The following DENND5B variants were observed in gnomAD, a reference collection of about 807,000 sequenced individuals.
DENND5B encodes DENN domain containing 5B.
In DENND5B, 34 loss-of-function variants were observed where a neutral mutation model predicts 140.6. The observed-to-expected ratio is 0.24, with a 90% CI of 0.18 to 0.32. The LOEUF (loss-of-function observed/expected upper bound fraction) is 0.32. Among genes scored for constraint, DENND5B ranks in the 10% least tolerant of loss-of-function variants. DENND5B has a pLI of 1.00. For synonymous variants in DENND5B, 551 were observed against 562.1 expected, an observed-to-expected ratio of 0.98 and a Z score of 0.28; for missense variants, 1,142 against 1,560.2, an observed-to-expected ratio of 0.73 and a Z score of 4.52.
At chr12:31,424,425 C>T in intron 10 of DENND5B, 110 bp downstream of exon 10, 9 of 1,338,032 alleles carry the variant, frequency 6.7e-6, no homozygotes, top group Middle Eastern at 3.8e-4. Flanking sequence ...TTTCTAGTCC[C>T]CTTGTGACAA....
At position 31,590,900 on chromosome 12, in the gene DENND5B, C is replaced by CA. The variant is rs1443974419; in HGVS notation, c.-69dup. On this transcript the variant is annotated 5_prime_UTR_variant, in exon 1 of 21. Coordinates refer to ENST00000389082, the MANE Select transcript of DENND5B (RefSeq NM_144973.4). ...GAAGGCTTTCTGCGGAGGCTGCCAC[C>CA]ACCGCTCCGGCTGTGGTCTGTGCGC... 2 of 1,168,176 alleles carry CA rather than the reference C, an allele frequency of 1.7e-6. No homozygotes were observed. The allele number at this position is 1,168,176 out of a possible 1,614,324, so 72.4% of individuals were successfully genotyped here. A position where few individuals can be genotyped will look rare whatever the true frequency, so the allele number is the denominator to read the frequency against.
At chr12:31,468,385 A>G (rs1198834089) in intron 3 of DENND5B, among the ~76,000 whole-genome samples, 1 of 152,166 alleles carries the variant, frequency 6.6e-6, no homozygotes, top group African/African-American at 2.4e-5. Context: ...GGTGGGGAGA[A>G]AGAAAGGTTT....
intron 19 of DENND5B, 122 bp from the exon 20 acceptor site, chr12:31,389,620 A>T (rs1941022208): frequency 1.1e-6 from 1 of 874,402 alleles, no homozygotes. Flanking sequence ...TCCTGAAGCC[A>T]ATATCATTAC....
At chr12:31,574,297 T>TAATAATAATAATAA (rs1592078386) in intron 1 of DENND5B, among the ~76,000 whole-genome samples, 3 of 147,480 alleles carry the variant, frequency 2.0e-5, no homozygotes, top group Admixed American at 6.8e-5. Flanking sequence ...ATAATAATAA[T>TAATAATAATAATAA]TTAAAAGGGA....
At chr12:31,436,265 A>C (rs1221152002) in intron 7 of DENND5B, among the ~76,000 whole-genome samples, 1 of 151,354 alleles carries the variant, frequency 6.6e-6, no homozygotes, top group Non-Finnish European at 1.5e-5. Context: ...AAACCCAGCT[A>C]ATTTTAGTAT....
chr12:31,546,894 C>T (rs1028310261), intron 1 of DENND5B, among the ~76,000 whole-genome samples: 8 of 152,066 alleles, frequency 5.3e-5, no homozygotes, highest in Non-Finnish European at 1.2e-4. Context: ...GTTTACAGTC[C>T]GCAACATGAA....
Position 31,442,828 on chromosome 12 carries a change from C to G in DENND5B, c.1959G>C (p.Gly653=), listed in dbSNP as rs574310097. Residue 653 remains glycine, a synonymous_variant, in exon 7 of 21, where the codon GGG becomes GGC. Coordinates refer to ENST00000389082, the MANE Select transcript of DENND5B (RefSeq NM_144973.4). ...MKIGQGKYEQ[G]FFPKLQSDVL... is the part of the protein sequence containing the mutation. Reference sequence around the variant, plus strand: ...CATCGGACTGTAACTTTGGAAAGAACCCCTGCTCATATTTGCCTTGACCAA... The same window carrying G: ...CATCGGACTGTAACTTTGGAAAGAAGCCCTGCTCATATTTGCCTTGACCAA... 6.2e-7 allele frequency: 1 copy of G among 1,613,632 alleles called. No homozygotes were observed. Among genetic ancestry groups the G allele is most frequent in the South Asian group, 1.1e-5 (1 of 90,928 alleles).
intron 3 of DENND5B, among the ~76,000 whole-genome samples, chr12:31,462,511 TG>T (rs1344011042): frequency 3.9e-5 from 6 of 152,164 alleles, no homozygotes; most frequent in African/African-American, 1.4e-4. Flanking sequence ...CTCCTCTCTG[TG>T]GGTTTCCTAA....
chr12:31,461,005 C>A (rs930020131), intron 3 of DENND5B, among the ~76,000 whole-genome samples: 1 of 152,138 alleles, frequency 6.6e-6, no homozygotes, highest in Admixed American at 6.5e-5. Context: ...GGATTACAGG[C>A]GTGAACCACC....
intron 4 of DENND5B, among the ~76,000 whole-genome samples, chr12:31,454,762 A>G (rs558337189): frequency 2.7e-5 from 4 of 146,356 alleles, no homozygotes; most frequent in African/African-American, 1.0e-4. Context: ...CATTCTTTAC[A>G]CTGAAAGGCT....
chr12:31,578,665 T>C (rs1265829913), intron 1 of DENND5B, among the ~76,000 whole-genome samples: 1 of 152,230 alleles, frequency 6.6e-6, no homozygotes, highest in African/African-American at 2.4e-5. Context: ...ATAACCTCAG[T>C]ATGTCTACTA....
rs12372313 is a variant in DENND5B at position 31,386,999 on chromosome 12, C to G, written c.*604G>C. The stretch of plus-strand genomic sequence containing the variant: ...AATACTCCAATTATATCATCTTGTG[C>G]GGACTGAAATTTTTTTCCAAAAGAC... On this transcript the variant is annotated 3_prime_UTR_variant, in exon 21 of 21. Transcript: ENST00000389082. 6.6e-6 allele frequency: 1 copy of G among 152,094 alleles called. No homozygotes were observed. Among genetic ancestry groups the G allele is most frequent in the Non-Finnish European group, 1.5e-5 (1 of 68,028 alleles). The allele number at this position is 152,094 out of a possible 1,614,324, so 9.4% of individuals were successfully genotyped here.
At chr12:31,443,042 T>C in intron 6 of DENND5B, 117 bp from the exon 7 acceptor site, 1 of 829,200 alleles carries the variant, frequency 1.2e-6, no homozygotes, top group Non-Finnish European at 1.7e-6. Flanking sequence ...CTGAAACAGA[T>C]ATTGTGTGTG....
chr12:31,559,045 T>C lies in DENND5B; in HGVS notation c.127+31661A>G, dbSNP rs1254945026. 2.6e-5 allele frequency among the ~76,000 whole-genome samples: 4 copies of C among 152,294 alleles called. No individual in the cohort carries two copies. In the East Asian group the frequency reaches 5.8e-4, roughly 22 times the overall value. Reference sequence around the variant, plus strand: ...TATAATCAAATACACCTTAATTCACTGGTAAATATGTCACTTGGAACATAA... The same window carrying C: ...TATAATCAAATACACCTTAATTCACCGGTAAATATGTCACTTGGAACATAA... On this transcript the variant is annotated intron_variant, in intron 1 of 20. Transcript: ENST00000389082.
At chr12:31,470,834 G>A (rs1945524170) in intron 3 of DENND5B, among the ~76,000 whole-genome samples, 1 of 152,178 alleles carries the variant, frequency 6.6e-6, no homozygotes, top group South Asian at 2.1e-4. Flanking sequence ...GAAACCTGTG[G>A]TTTGGGAAGA....
At chr12:31,455,401 T>C (rs1234494905) in intron 4 of DENND5B, among the ~76,000 whole-genome samples, 2 of 152,172 alleles carry the variant, frequency 1.3e-5, no homozygotes, top group Non-Finnish European at 1.5e-5. Flanking sequence ...CACAAAAGTC[T>C]CCTATGTCTG....
chr12:31,420,522 CA>C (rs1227167072), intron 11 of DENND5B, among the ~76,000 whole-genome samples: 1 of 151,542 alleles, frequency 6.6e-6, no homozygotes, highest in Non-Finnish European at 1.5e-5. Flanking sequence ...TGGCTCACTG[CA>C]ACCTCTGCCT....
chr12:31,450,022 T>C lies in DENND5B; in HGVS notation c.1629+1918A>G, dbSNP rs1336926215. ...TTGGGATTACAGGCGTGAGCCACTG[T>C]GCCCAGCCCACAGATTAGTTCTAAG... On this transcript the variant is annotated intron_variant, in intron 5 of 20. Coordinates refer to ENST00000389082, the MANE Select transcript of DENND5B (RefSeq NM_144973.4). Among the ~76,000 whole-genome samples the C allele has an allele frequency of 7.2e-5, 11 of 152,324 alleles. No homozygotes were observed. The East Asian group carries it at 1.3e-3, about 19-fold the overall frequency.
chr12:31,517,905 C>T (rs562114518), intron 1 of DENND5B, among the ~76,000 whole-genome samples: 1 of 152,296 alleles, frequency 6.6e-6, no homozygotes, highest in South Asian at 2.1e-4. Context: ...TCACACTAAC[C>T]CTTCCTATAA....
Sources: allele counts gnomAD v4.1 joint callset (sites outside exome capture counted in the v4.1 genomes callset), GRCh38; gene constraint gnomAD v4.1.1; transcripts MANE v1.5; gene names NCBI Gene and HGNC (gene_info 2026-07-23, HGNC 2026-07-21).